The following HECA variants were observed in gnomAD, a reference collection of about 807,000 sequenced individuals.
The protein encoded by HECA is HECA ribonucleoprotein granule regulator.
A neutral mutation model predicts 37.6 loss-of-function variants in HECA; 13 were observed. The ratio of observed to expected loss-of-function variants is 0.35; its 90% CI spans 0.23 to 0.55. The LOEUF (loss-of-function observed/expected upper bound fraction) is 0.55, where lower values mean the gene tolerates loss of function less well. HECA is among the 20% of genes least tolerant of loss of function. HECA has a pLI of 0.90. For synonymous variants in HECA, 307 were observed against 291.5 expected (o/e 1.05, Z -0.54); for missense variants, 527 against 701.9 (o/e 0.75, Z 2.82).
chr6:139,137,622 T>C (rs796174261), intron 1 of HECA, among the ~76,000 whole-genome samples: 206 of 136,062 alleles, frequency 1.5e-3, no homozygotes, highest in African/African-American at 5.7e-3. Flanking sequence ...CCCACCCCCC[T>C]ACCAGCTCCT....
rs1408349298 is a variant in HECA at position 139,166,808 on chromosome 6, G to A, written c.796G>A (p.Gly266Ser). 7 of 1,613,662 alleles carry A rather than the reference G, an allele frequency of 4.3e-6. No homozygotes were observed. The highest frequency in any genetic ancestry group is 4.5e-5 in the East Asian group (2 of 44,852). The change falls in exon 2 of 4, where the codon GGT (glycine) becomes AGT (serine). Residue 266 changes from glycine (G) to serine (S), a missense_variant. Around this residue, in one of 4 missense-constraint regions of HECA, gnomAD observed 228 missense variants for 259.8 expected, o/e 0.88. Transcript: ENST00000367658. The stretch of plus-strand genomic sequence containing the variant: ...CGCAGCCTACGGTGCCCGTTCCCCC[G>A]GTGGCTCCCCGGGCCAGTCCCCACC... ...GAAAYGARSP[G>S]GSPGQSPPTG...
chr6:139,151,690 T>G (rs1429317361), intron 1 of HECA, among the ~76,000 whole-genome samples: 1 of 152,208 alleles, frequency 6.6e-6, no homozygotes, highest in Non-Finnish European at 1.5e-5. Flanking sequence ...TTTAACGTGG[T>G]CACTTAGGTT....
At chr6:139,147,471 A>G (rs912960319) in intron 1 of HECA, among the ~76,000 whole-genome samples, 3 of 152,014 alleles carry the variant, frequency 2.0e-5, no homozygotes, top group Non-Finnish European at 4.4e-5. Context: ...GCAAAAATAC[A>G]AAAATTAGCC....
At chr6:139,165,138 T>G (rs1774865175) in intron 1 of HECA, among the ~76,000 whole-genome samples, 1 of 152,204 alleles carries the variant, frequency 6.6e-6, no homozygotes, top group African/African-American at 2.4e-5. Flanking sequence ...ATTATGCCCA[T>G]TTATGGTTGA....
intron 2 of HECA, among the ~76,000 whole-genome samples, 187 bp downstream of exon 2, chr6:139,167,511 T>TACCAAGTACAGTTGTCCTAGC (rs1774908405): frequency 1.3e-5 from 2 of 152,214 alleles, no homozygotes; most frequent in African/African-American, 4.8e-5. Flanking sequence ...GATGTCACAG[T>TACCAAGTACAGTTGTCCTAGC]ACCAAGTACA....
rs554983416 is a variant in HECA, at chr6:139,135,689, G to C, written c.271+22G>C. The stretch of plus-strand genomic sequence containing the variant: ...AACGGTAAGACGGGGCTGGCGGGGC[G>C]AGCGCCAACTTCCTCCCCGACGGGG... On this transcript the variant is annotated intron_variant, in intron 1 of 3. Transcript: ENST00000367658. 7.8e-5 allele frequency: 76 copies of C among 974,768 alleles called. No individual in the cohort carries two copies. The African/African-American group carries it at 1.3e-3, about 16-fold the overall frequency. The allele number at this position is 974,768 out of a possible 1,614,324, so 60.4% of individuals were successfully genotyped here. A position where few individuals can be genotyped will look rare whatever the true frequency, so the allele number is the denominator to read the frequency against.
intron 1 of HECA, among the ~76,000 whole-genome samples, chr6:139,148,817 C>T (rs74408249): frequency 0.037 from 5,570 of 152,132 alleles, 345 homozygotes; most frequent in Admixed American, 0.15. Flanking sequence ...ACCTCCTCTC[C>T]GAGTCTCTGG....
chr6:139,149,946 A>G (rs1281173238), intron 1 of HECA, among the ~76,000 whole-genome samples: 2 of 152,056 alleles, frequency 1.3e-5, no homozygotes, highest in African/African-American at 4.8e-5. Flanking sequence ...TTAGATTTTA[A>G]CCATTTGATC....
intron 1 of HECA, among the ~76,000 whole-genome samples, chr6:139,156,521 A>G (rs561223063): frequency 9.2e-5 from 14 of 152,330 alleles, no homozygotes; most frequent in Non-Finnish European, 1.5e-4. Flanking sequence ...GTAGCTTTCA[A>G]AATATCACCT....
At chr6:139,160,670 C>T (rs1774786357) in intron 1 of HECA, among the ~76,000 whole-genome samples, 1 of 152,174 alleles carries the variant, frequency 6.6e-6, no homozygotes, top group African/African-American at 2.4e-5. Flanking sequence ...TGGCCTCAGC[C>T]TCCCAAGTGC....
At chr6:139,140,765 C>A (rs568557820) in intron 1 of HECA, among the ~76,000 whole-genome samples, 1 of 152,268 alleles carries the variant, frequency 6.6e-6, no homozygotes, top group South Asian at 2.1e-4. Flanking sequence ...AAAAATCTGT[C>A]CTAACTGATT....
intron 1 of HECA, among the ~76,000 whole-genome samples, chr6:139,146,091 C>T (rs1396873502): frequency 6.6e-6 from 1 of 152,060 alleles, no homozygotes; most frequent in African/African-American, 2.4e-5. Flanking sequence ...TACAGATAGT[C>T]GGATAGGAAA....
At chr6:139,170,934 T>C (rs1582949140) in intron 2 of HECA, among the ~76,000 whole-genome samples, 6 of 152,210 alleles carry the variant, frequency 3.9e-5, no homozygotes, top group Admixed American at 6.5e-5. Flanking sequence ...CAAGAGGTTA[T>C]TTTAAAGAAA....
chr6:139,174,607 A>G, intron 3 of HECA, 68 bp downstream of exon 3: 1 of 1,560,316 alleles, frequency 6.4e-7, no homozygotes, highest in Non-Finnish European at 8.7e-7. Flanking sequence ...GAATGTAGGG[A>G]AGATGCGTCT....
chr6:139,166,630 C>T lies in HECA; in HGVS notation c.618C>T (p.Gly206=), dbSNP rs761084053. The change falls in exon 2 of 4, where the codon GGC becomes GGT. Residue 206 remains glycine (G), a synonymous_variant. Transcript: ENST00000367658. ...RMQDEKKKKS[G]SEKNTGRPPG... Reference sequence around the variant, plus strand: ...AGGACGAGAAAAAGAAGAAGTCTGGCTCCGAGAAGAACACAGGGAGGCCTC... The same window carrying T: ...AGGACGAGAAAAAGAAGAAGTCTGGTTCCGAGAAGAACACAGGGAGGCCTC... 6.2e-7 allele frequency: 1 copy of T among 1,614,186 alleles called. No individual in the cohort carries two copies. The highest frequency in any genetic ancestry group is 8.5e-7 in the Non-Finnish European group (1 of 1,180,032).
rs376322168 is a variant in HECA, at chr6:139,147,616, G to C, written c.271+11949G>C. ...CAGAACGAGATGCTGTCTAAAAAAA[G>C]AAAAAAAATGCTTGTCATTCTGGTA... On this transcript the variant is annotated intron_variant, in intron 1 of 3. Coordinates refer to ENST00000367658, the MANE Select transcript of HECA (RefSeq NM_016217.3). Among the ~76,000 whole-genome samples the C allele has an allele frequency of 2.6e-5, 4 of 151,588 alleles. No homozygotes were observed. In the East Asian group the frequency reaches 5.8e-4, roughly 22 times the overall value.
intron 1 of HECA, among the ~76,000 whole-genome samples, chr6:139,140,733 C>T (rs1480346069): frequency 1.3e-5 from 2 of 152,156 alleles, no homozygotes; most frequent in African/African-American, 4.8e-5. Context: ...CTTGAAGGTA[C>T]CAGAAGAGAT....
At chr6:139,162,128 G>A (rs953330906) in intron 1 of HECA, among the ~76,000 whole-genome samples, 1 of 152,172 alleles carries the variant, frequency 6.6e-6, no homozygotes, top group African/African-American at 2.4e-5. Flanking sequence ...TGAGTAAGAG[G>A]CTTCCTCTCC....
Position 139,178,347 on chromosome 6 carries a change from C to T in HECA, c.*1242C>T, listed in dbSNP as rs1165921894. On this transcript the variant is annotated 3_prime_UTR_variant, in exon 4 of 4. Transcript: ENST00000367658. ...GCTTTAAATAGACTGACGTCGCATA[C>T]CCTTATAGAATTGGAATATGATTTC... The T allele has an allele frequency of 6.6e-6, 1 of 152,010 alleles. No homozygotes were observed. Among genetic ancestry groups the T allele is most frequent in the African/African-American group, 2.4e-5 (1 of 41,370 alleles). 9.4% of individuals were successfully genotyped at this position (152,010 alleles called of 1,614,324 possible).
Sources: allele counts gnomAD v4.1 joint callset (sites outside exome capture counted in the v4.1 genomes callset), GRCh38; gene constraint gnomAD v4.1.1; regional missense constraint gnomAD v4.1.1; transcripts MANE v1.5; gene names NCBI Gene and HGNC (gene_info 2026-07-23, HGNC 2026-07-21).